The following B3GALT1 variants were observed in gnomAD, a reference collection of about 807,000 sequenced individuals.
B3GALT1 encodes the protein beta-1,3-galactosyltransferase 1.
A neutral mutation model predicts 23.2 loss-of-function variants in B3GALT1; 10 were observed. The ratio of observed to expected loss-of-function variants is 0.43; its 90% CI spans 0.27 to 0.73. The LOEUF is 0.73. B3GALT1 is among the 30% of genes least tolerant of loss of function. B3GALT1 has a pLI of 0.21. For synonymous variants in B3GALT1, 156 were observed against 141.5 expected, an observed-to-expected ratio of 1.10 and a Z score of -0.73; for missense variants, 299 against 405.4, an observed-to-expected ratio of 0.74 and a Z score of 2.25.
intron 3 of B3GALT1, among the ~76,000 whole-genome samples, chr2:167,754,781 A>C (rs1207418553): frequency 6.6e-6 from 1 of 152,210 alleles, no homozygotes; most frequent in Non-Finnish European, 1.5e-5. Flanking sequence ...AGGTTTTAGT[A>C]AGCAACCCTG....
intron 4 of B3GALT1, among the ~76,000 whole-genome samples, chr2:167,867,264 C>T (rs933201970): frequency 6.6e-6 from 1 of 152,072 alleles, no homozygotes; most frequent in African/African-American, 2.4e-5. Flanking sequence ...TCTCTCACTT[C>T]CTTTTGCTTA....
At chr2:167,774,677 T>C (rs1187841822) in intron 3 of B3GALT1, among the ~76,000 whole-genome samples, 1 of 151,884 alleles carries the variant, frequency 6.6e-6, no homozygotes, top group Non-Finnish European at 1.5e-5. Flanking sequence ...TTTGTATTTT[T>C]AGTAGAGACA....
chr2:167,676,895 G>A (rs1686438465), intron 3 of B3GALT1, among the ~76,000 whole-genome samples: 1 of 152,150 alleles, frequency 6.6e-6, no homozygotes, highest in South Asian at 2.1e-4. Context: ...GTTCTATATA[G>A]TCTTTACTAA....
chr2:167,839,470 AG>A (rs1425424222), intron 4 of B3GALT1, among the ~76,000 whole-genome samples: 29 of 152,242 alleles, frequency 1.9e-4, no homozygotes, highest in Non-Finnish European at 3.5e-4. Context: ...CCAACTTACA[AG>A]GGATGTGAAG....
intron 3 of B3GALT1, among the ~76,000 whole-genome samples, chr2:167,809,281 ACT>A (rs1688828745): frequency 1.3e-5 from 2 of 151,986 alleles, no homozygotes; most frequent in South Asian, 4.2e-4. Flanking sequence ...TCTTCTCTCA[ACT>A]CATCAAAGTC....
At chr2:167,648,143 A>T (rs189325285) in intron 3 of B3GALT1, among the ~76,000 whole-genome samples, 8 of 152,254 alleles carry the variant, frequency 5.3e-5, no homozygotes, top group Non-Finnish European at 1.2e-4. Context: ...GATTACCACA[A>T]AAACCTCCTG....
chr2:167,407,105 T>A (rs925591363), intron 1 of B3GALT1, among the ~76,000 whole-genome samples: 1 of 152,176 alleles, frequency 6.6e-6, no homozygotes, highest in African/African-American at 2.4e-5. Context: ...AGAACAAATC[T>A]GAATGAATTT....
intron 1 of B3GALT1, among the ~76,000 whole-genome samples, chr2:167,463,625 G>C (rs1356592675): frequency 1.3e-5 from 2 of 152,110 alleles, no homozygotes; most frequent in Non-Finnish European, 2.9e-5. Context: ...ACATGTTTCA[G>C]ATGTCTGCCA....
intron 2 of B3GALT1, among the ~76,000 whole-genome samples, chr2:167,612,951 G>A (rs1235758173): frequency 1.3e-5 from 2 of 151,882 alleles, no homozygotes; most frequent in African/African-American, 4.8e-5. Flanking sequence ...TTGTGTTATT[G>A]GAAGTCAATA....
At chr2:167,825,469 T>TGTGCGCGCGC (rs1558992458) in intron 4 of B3GALT1, among the ~76,000 whole-genome samples, 19 of 143,998 alleles carry the variant, frequency 1.3e-4, no homozygotes, top group African/African-American at 4.5e-4. Flanking sequence ...TGCACGTGTG[T>TGTGCGCGCGC]GTGTGTGTTA....
chr2:167,337,047 G>T (rs1697068371), intron 1 of B3GALT1, among the ~76,000 whole-genome samples: 1 of 152,116 alleles, frequency 6.6e-6, no homozygotes, highest in Admixed American at 6.5e-5. Context: ...TTCCATGGAG[G>T]GGGTCAGGGT....
chr2:167,789,922 T>G (rs1398136579), intron 3 of B3GALT1, among the ~76,000 whole-genome samples: 2 of 152,120 alleles, frequency 1.3e-5, no homozygotes, highest in East Asian at 3.9e-4. Flanking sequence ...GTAGGCCCAC[T>G]CCTCTTGTCC....
At chr2:167,565,555 T>C (rs564174559) in intron 2 of B3GALT1, among the ~76,000 whole-genome samples, 1 of 152,226 alleles carries the variant, frequency 6.6e-6, no homozygotes, top group East Asian at 1.9e-4. Flanking sequence ...GAAACTACCA[T>C]CAGAGTGAAC....
intron 1 of B3GALT1, among the ~76,000 whole-genome samples, chr2:167,327,452 A>C (rs1244590651): frequency 6.6e-6 from 1 of 152,020 alleles, no homozygotes; most frequent in East Asian, 1.9e-4. Context: ...TTTTCCTTAG[A>C]GAGATCTTTA....
chr2:167,512,150 T>C (rs1700013551), intron 2 of B3GALT1, among the ~76,000 whole-genome samples: 1 of 152,064 alleles, frequency 6.6e-6, no homozygotes. Context: ...TTGAAGTAAA[T>C]GTAATATTGA....
At chr2:167,608,488 A>G (rs764420803) in intron 2 of B3GALT1, among the ~76,000 whole-genome samples, 7 of 152,138 alleles carry the variant, frequency 4.6e-5, no homozygotes, top group Non-Finnish European at 8.8e-5. Context: ...GTGTTTTGAT[A>G]CCTCACATGT....
At chr2:167,849,470 T>C (rs1280877953) in intron 4 of B3GALT1, among the ~76,000 whole-genome samples, 1 of 151,976 alleles carries the variant, frequency 6.6e-6, no homozygotes. Flanking sequence ...AACAAAAATA[T>C]GAAGTGAGGA....
intron 1 of B3GALT1, among the ~76,000 whole-genome samples, chr2:167,476,078 C>T (rs1002598070): frequency 5.3e-5 from 8 of 152,280 alleles, no homozygotes; most frequent in East Asian, 3.9e-4. Context: ...CTATCTGCAA[C>T]GACCCTATTT....
chr2:167,783,453 T>G (rs898174782), intron 3 of B3GALT1, among the ~76,000 whole-genome samples: 4 of 152,138 alleles, frequency 2.6e-5, no homozygotes, highest in Admixed American at 2.6e-4. Context: ...CGCCTGACTC[T>G]GAGTCACTAT....
Sources: gnomAD v4.1 joint callset for allele counts (sites outside exome capture counted in the v4.1 genomes callset) on GRCh38, gnomAD v4.1.1 for gene constraint, MANE v1.5 for transcripts, NCBI Gene and HGNC (gene_info 2026-07-23, HGNC 2026-07-21) for gene names.